Variants in DPP8 observed in about 807,000 individuals in gnomAD.
The protein encoded by DPP8 is dipeptidyl peptidase 8.
A neutral mutation model predicts 107.5 loss-of-function variants in DPP8; 31 were observed. That is an observed-to-expected ratio of 0.29 (90% confidence interval 0.22 to 0.39). The LOEUF (loss-of-function observed/expected upper bound fraction) is 0.39. DPP8 is among the 10% of genes least tolerant of loss of function. The pLI is 1.00. For synonymous variants in DPP8, 381 were observed against 356.6 expected, an observed-to-expected ratio of 1.07 and a Z score of -0.77; for missense variants, 842 against 1,076.1, an observed-to-expected ratio of 0.78 and a Z score of 3.04.
chr15:65,481,815 T>G (rs2066951812), intron 8 of DPP8, among the ~76,000 whole-genome samples, 200 bp from the exon 9 acceptor site: 1 of 152,112 alleles, frequency 6.6e-6, no homozygotes, highest in Non-Finnish European at 1.5e-5. Context: ...CCTAAAAAAG[T>G]TATAAGCACT....
chr15:65,478,106 G>A (rs2066571855), intron 11 of DPP8, among the ~76,000 whole-genome samples: 1 of 151,984 alleles, frequency 6.6e-6, no homozygotes, highest in African/African-American at 2.4e-5. Context: ...ATTAACTTCA[G>A]CTGATATAAC....
At chr15:65,495,865 C>T (rs1291299227) in intron 5 of DPP8, among the ~76,000 whole-genome samples, 1 of 151,964 alleles carries the variant, frequency 6.6e-6, no homozygotes, top group Non-Finnish European at 1.5e-5. Flanking sequence ...CTGGGTGACA[C>T]AGTAAGACTC....
chr15:65,487,578 A>G (rs753398257), intron 7 of DPP8, 112 bp downstream of exon 7: 2 of 1,015,400 alleles, frequency 2.0e-6, no homozygotes, highest in Non-Finnish European at 2.9e-6. Flanking sequence ...AACCCGTCGT[A>G]AATAAGGCTG....
Position 65,452,097 on chromosome 15 carries a change from A to G in DPP8, c.2277T>C (p.Ala759=). The change falls in exon 18 of 20, where the codon GCT becomes GCC. Residue 759 remains alanine (A), a synonymous_variant. Coordinates refer to ENST00000300141, the MANE Select transcript of DPP8 (RefSeq NM_130434.5). ...LMQRSDIFRV[A]IAGAPVTLWI... Reference sequence around the variant, plus strand: ...ACAGAGTGACTGGGGCCCCAGCAATAGCAACCTGCATAAGATGACATTGAC... The same window carrying G: ...ACAGAGTGACTGGGGCCCCAGCAATGGCAACCTGCATAAGATGACATTGAC... The G allele has an allele frequency of 6.2e-7, 1 of 1,603,534 alleles. No homozygotes were observed. Among genetic ancestry groups the G allele is most frequent in the South Asian group, 1.1e-5 (1 of 88,566 alleles).
At chr15:65,496,925 T>C (rs1266738465) in intron 5 of DPP8, among the ~76,000 whole-genome samples, 1 of 152,144 alleles carries the variant, frequency 6.6e-6, no homozygotes, top group East Asian at 1.9e-4. Flanking sequence ...GGTCTTGCTC[T>C]CTTGCCCAGG....
chr15:65,513,647 T>C (rs1011175909), intron 1 of DPP8, among the ~76,000 whole-genome samples: 3 of 152,250 alleles, frequency 2.0e-5, no homozygotes, highest in Non-Finnish European at 4.4e-5. Flanking sequence ...ACAGAAAGCA[T>C]TTAATATTTG....
intron 8 of DPP8, among the ~76,000 whole-genome samples, chr15:65,482,714 T>C (rs756633590): frequency 5.9e-5 from 9 of 152,156 alleles, no homozygotes; most frequent in Non-Finnish European, 1.3e-4. Flanking sequence ...AAAGAAAATA[T>C]ATACATGGCT....
intron 8 of DPP8, among the ~76,000 whole-genome samples, 177 bp downstream of exon 8, chr15:65,484,922 C>T (rs138025021): frequency 1.5e-3 from 223 of 152,256 alleles, no homozygotes; most frequent in African/African-American, 5.2e-3. Context: ...ATATTCCCAT[C>T]TTATGAACCA....
chr15:65,463,255 G>A (rs1222159230), intron 15 of DPP8, among the ~76,000 whole-genome samples: 1 of 152,084 alleles, frequency 6.6e-6, no homozygotes, highest in Non-Finnish European at 1.5e-5. Context: ...AACTGCCTTA[G>A]TGGCAGGGCA....
At chr15:65,465,647 C>T (rs1323496444) in intron 14 of DPP8, among the ~76,000 whole-genome samples, 1 of 151,288 alleles carries the variant, frequency 6.6e-6, no homozygotes, top group Non-Finnish European at 1.5e-5. Flanking sequence ...CCTCCGCCTC[C>T]TGGGTTCAAG....
intron 14 of DPP8, among the ~76,000 whole-genome samples, chr15:65,465,532 T>G (rs1308271485): frequency 6.6e-6 from 1 of 151,348 alleles, no homozygotes; most frequent in Non-Finnish European, 1.5e-5. Context: ...AGATTGGAGA[T>G]TAAAGTGAAT....
intron 8 of DPP8, among the ~76,000 whole-genome samples, chr15:65,483,464 T>C (rs1057400199): frequency 6.6e-6 from 1 of 151,962 alleles, no homozygotes; most frequent in Non-Finnish European, 1.5e-5. Flanking sequence ...TGAGGCTGGG[T>C]TGAGCTGTAA....
chr15:65,493,563 T>C (rs2068259770), intron 5 of DPP8, among the ~76,000 whole-genome samples: 1 of 152,188 alleles, frequency 6.6e-6, no homozygotes, highest in Admixed American at 6.6e-5. Flanking sequence ...CAGGTGTTAC[T>C]GCCAAATGAA....
chr15:65,454,908 G>C (rs185734001), intron 16 of DPP8, among the ~76,000 whole-genome samples: 1 of 152,194 alleles, frequency 6.6e-6, no homozygotes, highest in Admixed American at 6.5e-5. Context: ...AATCTATTTG[G>C]AGATAGGGGC....
chr15:65,473,294 C>A, intron 12 of DPP8, among the ~76,000 whole-genome samples: 1 of 147,464 alleles, frequency 6.8e-6, no homozygotes, highest in African/African-American at 2.6e-5. Context: ...CACTGCACTC[C>A]AACCTGGGCG....
intron 3 of DPP8, among the ~76,000 whole-genome samples, chr15:65,501,252 C>G (rs947812042): frequency 6.6e-6 from 1 of 152,046 alleles, no homozygotes; most frequent in Non-Finnish European, 1.5e-5. Context: ...AATTTGCTGG[C>G]AACTTTAAGC....
rs779778251 is a variant in DPP8 at position 65,487,745 on chromosome 15, A to G, written c.900T>C (p.Val300=). The G allele has an allele frequency of 1.9e-6, 3 of 1,606,686 alleles. No individual in the cohort carries two copies. Among genetic ancestry groups the G allele is most frequent in the Non-Finnish European group, 2.6e-6 (3 of 1,173,964 alleles). ...NDESEVEIIH[V]TSPMLETRRA... ...TCCTTGTTTCCAACATAGGGGATGT[A>G]ACATGAATAATTTCCACCTCAGATT... Residue 300 remains valine (V), a synonymous_variant, in exon 7 of 20, where the codon GTT becomes GTC. Transcript: ENST00000300141.
intron 11 of DPP8, among the ~76,000 whole-genome samples, chr15:65,477,961 G>GT (rs2066556046): frequency 6.6e-6 from 1 of 152,106 alleles, no homozygotes; most frequent in Admixed American, 6.6e-5. Context: ...GTTGAGAACT[G>GT]TAACTCGGTT....
chr15:65,489,308 A>G (rs1199538189), intron 6 of DPP8, among the ~76,000 whole-genome samples: 2 of 151,838 alleles, frequency 1.3e-5, no homozygotes, highest in African/African-American at 4.8e-5. Flanking sequence ...CATTACCAAG[A>G]CCAGCCTCTA....
Sources: allele counts gnomAD v4.1 joint callset (sites outside exome capture counted in the v4.1 genomes callset), GRCh38; gene constraint gnomAD v4.1.1; transcripts MANE v1.5; gene names NCBI Gene and HGNC (gene_info 2026-07-23, HGNC 2026-07-21).